The following CFAP300 variants were observed in gnomAD, a reference collection of about 807,000 sequenced individuals.
CFAP300 encodes cilia and flagella associated protein 300.
In CFAP300, 32 loss-of-function variants were observed where a neutral mutation model predicts 33.0. The ratio of observed to expected loss-of-function variants is 0.97; its 90% CI spans 0.73 to 1.30. CFAP300 has a LOEUF of 1.30. CFAP300 is among the 50% of genes most tolerant of loss of function. The pLI is 0.00. For synonymous variants in CFAP300, 102 were observed against 106.8 expected (o/e 0.95, Z 0.28); for missense variants, 356 against 318.1 (o/e 1.12, Z -0.90).
chr11:102,055,889 T>G (rs1403474804), intron 2 of CFAP300, among the ~76,000 whole-genome samples: 1 of 149,702 alleles, frequency 6.7e-6, no homozygotes, highest in Non-Finnish European at 1.5e-5. Context: ...CAGGATGGTC[T>G]CAATCTCCTG....
rs1178089326 is a variant in CFAP300 at position 102,047,594 on chromosome 11, G to C, written c.110+14G>C. The C allele has an allele frequency of 6.5e-7, 1 of 1,534,538 alleles. No homozygotes were observed. Among genetic ancestry groups the C allele is most frequent in the Middle Eastern group, 1.7e-4 (1 of 5,974 alleles). On this transcript the variant is annotated intron_variant, in intron 1 of 6. Coordinates refer to ENST00000434758, the MANE Select transcript of CFAP300 (RefSeq NM_032930.3). ...GCTCCGCCAGTGGTGAGGAACCGAG[G>C]CACAGGGAGAGAAGAGGCCCTTGGT...
chr11:102,047,954 A>G (rs950562176), intron 2 of CFAP300, 58 bp downstream of exon 2: 2 of 1,549,340 alleles, frequency 1.3e-6, no homozygotes, highest in East Asian at 4.5e-5. Context: ...ACTTCCCCCC[A>G]AGTTGGCATA....
At chr11:102,063,561 C>G (rs1156375419) in intron 3 of CFAP300, among the ~76,000 whole-genome samples, 1 of 152,196 alleles carries the variant, frequency 6.6e-6, no homozygotes, top group African/African-American at 2.4e-5. Flanking sequence ...GACAAGGTGG[C>G]TCACCCCTGT....
Position 102,058,962 on chromosome 11 carries a change from A to G in CFAP300, c.268+7A>G. On this transcript the variant is annotated splice_region_variant and intron_variant, in intron 3 of 6. Coordinates refer to ENST00000434758, the MANE Select transcript of CFAP300 (RefSeq NM_032930.3). ...GGACAATGGATCATATTAGGTAAAT[A>G]AAATTTTCATCTTTTCAGATACTAT... 1 of 1,491,122 alleles carries G rather than the reference A, an allele frequency of 6.7e-7. No individual in the cohort carries two copies. The highest frequency in any genetic ancestry group is 9.1e-7 in the Non-Finnish European group (1 of 1,102,272). The allele number at this position is 1,491,122 out of a possible 1,614,324, so 92.4% of individuals were successfully genotyped here.
At chr11:102,077,085 T>TAC (rs149311507) in intron 5 of CFAP300, among the ~76,000 whole-genome samples, 6,334 of 150,510 alleles carry the variant, frequency 0.042, 370 homozygotes, top group African/African-American at 0.13. Context: ...ACCCTACACA[T>TAC]ACACACACAC....
At chr11:102,054,769 T>C (rs1942025120) in intron 2 of CFAP300, among the ~76,000 whole-genome samples, 1 of 149,526 alleles carries the variant, frequency 6.7e-6, no homozygotes, top group Non-Finnish European at 1.5e-5. Context: ...TTTAGATTCC[T>C]CTCTGAAGAA....
chr11:102,076,672 A>C (rs1032489733), intron 5 of CFAP300, among the ~76,000 whole-genome samples: 1 of 152,218 alleles, frequency 6.6e-6, no homozygotes, highest in South Asian at 2.1e-4. Context: ...TAGAAAGCAA[A>C]AGATCTTAAA....
At chr11:102,065,793 A>G (rs1942215132) in intron 3 of CFAP300, among the ~76,000 whole-genome samples, 1 of 152,096 alleles carries the variant, frequency 6.6e-6, no homozygotes, top group South Asian at 2.1e-4. Flanking sequence ...TGAGTTATAA[A>G]GCATTAAGCA....
chr11:102,064,507 G>A (rs185982500), intron 3 of CFAP300, among the ~76,000 whole-genome samples: 3 of 152,306 alleles, frequency 2.0e-5, no homozygotes, highest in Non-Finnish European at 4.4e-5. Context: ...CTGGCTCCAG[G>A]CATCCTTCAT....
chr11:102,082,940 T>C (rs1169536061), intron 6 of CFAP300, 131 bp from the exon 7 acceptor site: 1 of 275,356 alleles, frequency 3.6e-6, no homozygotes, highest in African/African-American at 2.3e-5. Flanking sequence ...GAGGTTGCAG[T>C]GAGCCGAGAT....
chr11:102,067,395 G>A (rs1438212624), intron 4 of CFAP300, among the ~76,000 whole-genome samples: 1 of 152,054 alleles, frequency 6.6e-6, no homozygotes, highest in African/African-American at 2.4e-5. Flanking sequence ...AACATCCCAG[G>A]AGTAAAAGAA....
chr11:102,060,276 ATT>A (rs773964052), intron 3 of CFAP300, among the ~76,000 whole-genome samples: 9 of 129,962 alleles, frequency 6.9e-5, no homozygotes, highest in African/African-American at 1.4e-4. Context: ...CTCAGCCTAA[ATT>A]TTTTTTTTTT....
intron 2 of CFAP300, among the ~76,000 whole-genome samples, chr11:102,049,749 T>A (rs1353735009): frequency 6.6e-6 from 1 of 152,082 alleles, no homozygotes; most frequent in Non-Finnish European, 1.5e-5. Context: ...TCAATAAATA[T>A]TTGTTGAATA....
rs940416855 is a variant in CFAP300 at position 102,070,541 on chromosome 11, A to T, written c.435+3890A>T. ...TTCCTGTTTGTTTGTTTATTTATTT[A>T]TTTTTGTCTCTATTTTGTTTATTTG... On this transcript the variant is annotated intron_variant, in intron 4 of 6. Coordinates refer to ENST00000434758, the MANE Select transcript of CFAP300 (RefSeq NM_032930.3). Among the ~76,000 whole-genome samples, 17 of 151,666 alleles carry T rather than the reference A, an allele frequency of 1.1e-4. No individual in the cohort carries two copies. The East Asian group carries it at 2.1e-3, about 19-fold the overall frequency.
chr11:102,078,894 G>C (rs1406729349), intron 5 of CFAP300, among the ~76,000 whole-genome samples: 1 of 152,016 alleles, frequency 6.6e-6, no homozygotes, highest in Non-Finnish European at 1.5e-5. Flanking sequence ...ATTTTTTGTA[G>C]AGGCGGGGTT....
intron 3 of CFAP300, among the ~76,000 whole-genome samples, chr11:102,065,660 G>A (rs367829852): frequency 4.0e-5 from 6 of 151,666 alleles, no homozygotes; most frequent in East Asian, 4.0e-4. Context: ...CCAGATACTC[G>A]GGAGGCTGAG....
chr11:102,055,361 CTT>C (rs561779599), intron 2 of CFAP300, among the ~76,000 whole-genome samples: 17 of 113,422 alleles, frequency 1.5e-4, no homozygotes, highest in Non-Finnish European at 2.0e-4. Flanking sequence ...ATGCGTTACT[CTT>C]TTTTTTTTTT....
chr11:102,063,690 A>T (rs1057433123), intron 3 of CFAP300, among the ~76,000 whole-genome samples: 2 of 152,164 alleles, frequency 1.3e-5, no homozygotes, highest in African/African-American at 4.8e-5. Context: ...GTGTTGGCAC[A>T]CACCTGTAGT....
rs186226314 is a variant in CFAP300 at position 102,065,366 on chromosome 11, A to G, written c.269-1119A>G. Among the ~76,000 whole-genome samples the G allele has an allele frequency of 1.6e-3, 240 of 152,120 alleles. 2 individuals are homozygous for G. Among genetic ancestry groups the G allele is most frequent in the African/African-American group, 5.0e-3 (207 of 41,512 alleles). On this transcript the variant is annotated intron_variant, in intron 3 of 6. Coordinates refer to ENST00000434758, the MANE Select transcript of CFAP300 (RefSeq NM_032930.3). ...AGTGATCCACCTGCCTCGGCTGTCC[A>G]TAGTGCTGGAATTACAGGCATGACC...
Sources: gnomAD v4.1 joint callset for allele counts (sites outside exome capture counted in the v4.1 genomes callset) on GRCh38, gnomAD v4.1.1 for gene constraint, MANE v1.5 for transcripts, NCBI Gene and HGNC (gene_info 2026-07-23, HGNC 2026-07-21) for gene names.